CHST9: variants seen among roughly 807,000 people sequenced by gnomAD.
CHST9 encodes GalNAc-4-sulfotransferase 2.
In CHST9, 41 loss-of-function variants were observed where a neutral mutation model predicts 44.4. That is an observed-to-expected ratio of 0.92 (90% CI 0.72 to 1.20). CHST9 has a LOEUF of 1.20. Ranked by LOEUF, CHST9 falls within the 50% of genes most tolerant of loss-of-function variation. The pLI is 0.00. For synonymous variants in CHST9, 171 were observed against 178.4 expected (o/e 0.96, Z 0.33); for missense variants, 504 against 516.5 (o/e 0.98, Z 0.23).
At chr18:27,133,018 G>C (rs1014867329) in intron 2 of CHST9, among the ~76,000 whole-genome samples, 2 of 152,124 alleles carry the variant, frequency 1.3e-5, no homozygotes, top group African/African-American at 4.8e-5. Context: ...TCAAAAGCCA[G>C]AATGCCCAGA....
At chr18:26,953,033 C>A (rs1017256795) in intron 4 of CHST9, among the ~76,000 whole-genome samples, 1 of 152,170 alleles carries the variant, frequency 6.6e-6, no homozygotes, top group Non-Finnish European at 1.5e-5. Flanking sequence ...CTTGAACAAC[C>A]AGGGACCATG....
chr18:27,160,630 G>C (rs900124133), intron 1 of CHST9, among the ~76,000 whole-genome samples: 2 of 152,212 alleles, frequency 1.3e-5, no homozygotes, highest in South Asian at 2.1e-4. Flanking sequence ...CACATAAAAT[G>C]AGTTAGGGAG....
intron 3 of CHST9, among the ~76,000 whole-genome samples, chr18:27,029,892 G>A (rs887821413): frequency 6.6e-6 from 1 of 152,076 alleles, no homozygotes; most frequent in African/African-American, 2.4e-5. Context: ...TAATCTTTGG[G>A]TTTCATATGT....
chr18:27,019,195 A>G (rs1340025122), intron 4 of CHST9, among the ~76,000 whole-genome samples: 1 of 152,198 alleles, frequency 6.6e-6, no homozygotes, highest in Non-Finnish European at 1.5e-5. Context: ...CCAGGAGAAC[A>G]TGCCTACCAA....
rs188214194 is a variant in CHST9, at chr18:26,970,410, C to T, written c.203-26044G>A. On this transcript the variant is annotated intron_variant, in intron 4 of 5. Coordinates refer to ENST00000618847, the MANE Select transcript of CHST9 (RefSeq NM_031422.6). ...GATTCATTTAAACTACACAACAGCC[C>T]TTTGAGGTACGTACTATTATTATTA... Among the ~76,000 whole-genome samples the T allele has an allele frequency of 2.4e-3, 369 of 152,112 alleles. 4 individuals are homozygous for T. The highest frequency in any genetic ancestry group is 8.6e-3 in the African/African-American group (357 of 41,484).
At chr18:27,122,379 A>G (rs1280400083) in intron 2 of CHST9, among the ~76,000 whole-genome samples, 1 of 152,234 alleles carries the variant, frequency 6.6e-6, no homozygotes. Flanking sequence ...TTCTATTGTG[A>G]GTAGACCTCT....
intron 2 of CHST9, among the ~76,000 whole-genome samples, chr18:27,086,547 A>G (rs1450806310): frequency 6.6e-6 from 1 of 152,208 alleles, no homozygotes; most frequent in Non-Finnish European, 1.5e-5. Flanking sequence ...CAGGTAAGGA[A>G]ACTGAAGAGT....
intron 2 of CHST9, among the ~76,000 whole-genome samples, chr18:27,126,980 CT>C (rs772127245): frequency 6.6e-6 from 1 of 152,162 alleles, no homozygotes; most frequent in Non-Finnish European, 1.5e-5. Context: ...GAAGAGGAAA[CT>C]GGAGGCATCA....
At chr18:26,941,218 G>C (rs569411739) in intron 5 of CHST9, among the ~76,000 whole-genome samples, 42 of 152,170 alleles carry the variant, frequency 2.8e-4, no homozygotes, top group South Asian at 4.2e-4. Flanking sequence ...AGCGTTTCTC[G>C]TAGACAGCAC....
intron 3 of CHST9, among the ~76,000 whole-genome samples, chr18:27,042,505 C>T (rs2057456395): frequency 6.6e-6 from 1 of 152,092 alleles, no homozygotes; most frequent in South Asian, 2.1e-4. Flanking sequence ...TTTCTCCAGA[C>T]AGCTTTCCAG....
intron 1 of CHST9, among the ~76,000 whole-genome samples, chr18:27,143,224 GGAA>G (rs983652778): frequency 6.6e-6 from 1 of 152,128 alleles, no homozygotes; most frequent in African/African-American, 2.4e-5. Flanking sequence ...ATTGCAAGTA[GGAA>G]GAATAACAGA....
chr18:27,048,360 A>G (rs2057528404), intron 3 of CHST9, 105 bp downstream of exon 3: 1 of 845,520 alleles, frequency 1.2e-6, no homozygotes, highest in Non-Finnish European at 1.9e-6. Flanking sequence ...CAAAAACCAT[A>G]AACTATTAAT....
intron 1 of CHST9, among the ~76,000 whole-genome samples, chr18:27,151,893 T>C (rs1244848865): frequency 6.6e-6 from 1 of 152,216 alleles, no homozygotes. Context: ...AGCCACCAAA[T>C]TTGTGATAAT....
At chr18:27,062,437 T>C (rs1041492034) in intron 2 of CHST9, among the ~76,000 whole-genome samples, 1 of 152,136 alleles carries the variant, frequency 6.6e-6, no homozygotes, top group African/African-American at 2.4e-5. Context: ...TTGCGATAGT[T>C]TGCTGAGAAT....
intron 4 of CHST9, among the ~76,000 whole-genome samples, chr18:27,015,211 G>A (rs2057137141): frequency 1.3e-5 from 2 of 152,116 alleles, no homozygotes; most frequent in African/African-American, 4.8e-5. Context: ...AAGCTCAACG[G>A]CCTGGAATTT....
intron 4 of CHST9, among the ~76,000 whole-genome samples, chr18:26,958,352 A>T (rs1382054528): frequency 6.6e-6 from 1 of 152,104 alleles, no homozygotes; most frequent in Non-Finnish European, 1.5e-5. Context: ...AGTAATGAAA[A>T]TTCCCATAGG....
chr18:27,167,195 A>C (rs1022991467), intron 1 of CHST9, among the ~76,000 whole-genome samples: 1 of 152,204 alleles, frequency 6.6e-6, no homozygotes, highest in African/African-American at 2.4e-5. Context: ...AGATGCTTTT[A>C]ACTCACCATA....
intron 1 of CHST9, among the ~76,000 whole-genome samples, chr18:27,177,745 G>T (rs1357280903): frequency 6.6e-6 from 1 of 151,990 alleles, no homozygotes; most frequent in African/African-American, 2.4e-5. Context: ...AATGGGAGTG[G>T]AATGTGCCAT....
At chr18:27,014,938 T>C (rs1331886655) in intron 4 of CHST9, among the ~76,000 whole-genome samples, 1 of 152,164 alleles carries the variant, frequency 6.6e-6, no homozygotes, top group African/African-American at 2.4e-5. Context: ...TCTTTATCAA[T>C]CCTTAGTGGG....
Sources: allele counts gnomAD v4.1 joint callset (sites outside exome capture counted in the v4.1 genomes callset), GRCh38; gene constraint gnomAD v4.1.1; transcripts MANE v1.5; gene names NCBI Gene and HGNC (gene_info 2026-07-23, HGNC 2026-07-21).